The following APOBEC1 variants were observed in gnomAD, a reference collection of about 807,000 sequenced individuals.
APOBEC1 encodes C->U-editing enzyme APOBEC-1.
APOBEC1 carries 22 observed loss-of-function variants against 26.3 expected under a neutral mutation model. The observed-to-expected ratio is 0.84, with a 90% CI of 0.60 to 1.19. APOBEC1 has a LOEUF of 1.19. APOBEC1 is among the 50% of genes most tolerant of loss of function. APOBEC1 has a pLI of 0.00. For synonymous variants in APOBEC1, 77 were observed against 95.3 expected (o/e 0.81, Z 1.12); for missense variants, 253 against 289.0 (o/e 0.88, Z 0.90).
At chr12:7,662,973 A>T (rs1242918011) in intron 1 of APOBEC1, among the ~76,000 whole-genome samples, 1 of 152,152 alleles carries the variant, frequency 6.6e-6, no homozygotes, top group Non-Finnish European at 1.5e-5. Context: ...GGATGATTCA[A>T]GGGAGAGTAC....
chr12:7,669,570 A>C (rs1385605490), upstream of APOBEC1, among the ~76,000 whole-genome samples: 1 of 152,004 alleles, frequency 6.6e-6, no homozygotes, highest in Non-Finnish European at 1.5e-5. Flanking sequence ...TTTTTTAAAA[A>C]ATTGATTTTA....
At chr12:7,657,260 T>G (rs757844916) in intron 1 of APOBEC1, among the ~76,000 whole-genome samples, 6 of 152,330 alleles carry the variant, frequency 3.9e-5, no homozygotes, top group African/African-American at 1.4e-4. Flanking sequence ...AATTGTTAGC[T>G]GAATGTCTAG....
chr12:7,662,949 A>AT (rs941745496), intron 1 of APOBEC1, among the ~76,000 whole-genome samples: 2 of 152,152 alleles, frequency 1.3e-5, no homozygotes, highest in Admixed American at 6.6e-5. Context: ...GTAAGAAGCC[A>AT]TTAGAGAGTA....
intron 3 of APOBEC1, among the ~76,000 whole-genome samples, chr12:7,651,405 G>A (rs1480588894): frequency 6.6e-6 from 1 of 152,054 alleles, no homozygotes; most frequent in African/African-American, 2.4e-5. Context: ...CACAGGTCAG[G>A]AGATCGAGAC....
intron 1 of APOBEC1, among the ~76,000 whole-genome samples, chr12:7,665,477 T>C (rs1863879757): frequency 1.3e-5 from 2 of 151,908 alleles, no homozygotes; most frequent in Admixed American, 1.3e-4. Flanking sequence ...TTTGTATTTT[T>C]AGTACAGATA....
rs1313197812 is a variant in APOBEC1 at position 7,660,964 on chromosome 12, C to T, written c.16+4893G>A. 4.8e-5 allele frequency among the ~76,000 whole-genome samples: 7 copies of T among 146,214 alleles called. 1 individual carries two copies. The highest frequency in any genetic ancestry group is 3.6e-3 in the Middle Eastern group (1 of 276). On this transcript the variant is annotated intron_variant, in intron 1 of 4. Coordinates refer to ENST00000229304, the MANE Select transcript of APOBEC1 (RefSeq NM_001644.5). ...ATCCCAGCACTTTGGGAGGCGGAGG[C>T]GGGTGGATCACAAGGTCAGGAGATC...
chr12:7,659,086 G>GGTGTTCA (rs1414500415), intron 1 of APOBEC1, among the ~76,000 whole-genome samples: 1 of 150,044 alleles, frequency 6.7e-6, no homozygotes, highest in African/African-American at 2.4e-5. Context: ...CCTGAGGTCA[G>GGTGTTCA]GTGTTCGAGA....
upstream of APOBEC1, chr12:7,666,041 A>G (rs769609222): frequency 1.4e-6 from 1 of 733,324 alleles, no homozygotes; most frequent in African/African-American, 1.7e-5. Context: ...CAGGGGGCCG[A>G]CTGAGAGGGA....
In APOBEC1 at chr12:7,665,799, A is replaced by ACG; in HGVS notation, c.16+57_16+58insCG. 5.1e-6 allele frequency: 7 copies of ACG among 1,361,936 alleles called. No homozygotes were observed. In the Admixed American group the frequency reaches 5.2e-5, roughly 10 times the overall value. 84.4% of individuals were successfully genotyped at this position (1,361,936 alleles called of 1,614,324 possible). On this transcript the variant is annotated intron_variant, in intron 1 of 4. Transcript: ENST00000229304. ...CACACACACACACACACACACACAC[A>ACG]CACACACCATTCTTGCATTGTTCAA...
chr12:7,651,634 T>C (rs1863642659), intron 3 of APOBEC1, among the ~76,000 whole-genome samples: 1 of 148,248 alleles, frequency 6.7e-6, no homozygotes, highest in Admixed American at 6.8e-5. Flanking sequence ...AAAAAAGAGT[T>C]GTTGTTTGTT....
At chr12:7,651,987 A>AT (rs1281250470) in intron 3 of APOBEC1, among the ~76,000 whole-genome samples, 2 of 151,672 alleles carry the variant, frequency 1.3e-5, no homozygotes, top group African/African-American at 2.4e-5. Context: ...CGCCTGGCTA[A>AT]TTTTTTTGTA....
At chr12:7,654,766 G>GT in intron 1 of APOBEC1, 134 bp from the exon 2 acceptor site, 1 of 875,812 alleles carries the variant, frequency 1.1e-6, no homozygotes, top group Non-Finnish European at 1.8e-6. Context: ...TGGATTAATT[G>GT]TATTGGACCA....
At chr12:7,655,521 A>G (rs891911832) in intron 1 of APOBEC1, among the ~76,000 whole-genome samples, 5 of 152,104 alleles carry the variant, frequency 3.3e-5, no homozygotes, top group East Asian at 1.9e-4. Flanking sequence ...TAAAAAAAAA[A>G]AAAGAAAGAA....
At position 7,665,894 on chromosome 12, in the gene APOBEC1, C is replaced by T. The variant is rs755711908; in HGVS notation, c.-22G>A. 1.2e-6 allele frequency: 2 copies of T among 1,613,660 alleles called. No individual in the cohort carries two copies. Among genetic ancestry groups the T allele is most frequent in the Admixed American group, 1.7e-5 (1 of 59,944 alleles). ...TCATGGTGCTCTGTCTCTGGACTTC[C>T]TCCTCTGGAGTCATAAGTTGTGCTG... On this transcript the variant is annotated 5_prime_UTR_variant, in exon 1 of 5. Coordinates refer to ENST00000229304, the MANE Select transcript of APOBEC1 (RefSeq NM_001644.5).
intron 1 of APOBEC1, among the ~76,000 whole-genome samples, chr12:7,658,359 C>T (rs188918376): frequency 3.3e-5 from 5 of 152,242 alleles, no homozygotes; most frequent in Admixed American, 2.6e-4. Context: ...CCACCGTGCC[C>T]GGCCAAAATT....
chr12:7,655,114 C>T (rs1863694977), intron 1 of APOBEC1, among the ~76,000 whole-genome samples: 1 of 152,146 alleles, frequency 6.6e-6, no homozygotes. Flanking sequence ...GTGGCTGAGG[C>T]AGGAGAATCA....
chr12:7,661,012 T>C lies in APOBEC1; in HGVS notation c.16+4845A>G, dbSNP rs771635885. ...ATCGAGACCATCCTGGCTAACATGG[T>C]GAAATCCCGTCTGTACTAAAAATAC... On this transcript the variant is annotated intron_variant, in intron 1 of 4. Coordinates refer to ENST00000229304, the MANE Select transcript of APOBEC1 (RefSeq NM_001644.5). 3.0e-5 allele frequency among the ~76,000 whole-genome samples: 4 copies of C among 133,614 alleles called. No individual in the cohort carries two copies. The Admixed American group carries it at 3.3e-4, about 11-fold the overall frequency. 87.7% of individuals were successfully genotyped at this position (133,614 alleles called of 152,430 possible). A position where few individuals can be genotyped will look rare whatever the true frequency, so the allele number is the denominator to read the frequency against.
intron 2 of APOBEC1, 67 bp from the exon 3 acceptor site, chr12:7,652,902 C>T: frequency 8.4e-7 from 1 of 1,187,140 alleles, no homozygotes; most frequent in Non-Finnish European, 1.1e-6. Context: ...TCTTTTCCTG[C>T]TCCCCTCTTC....
Position 7,654,513 on chromosome 12 carries a change from G to T in APOBEC1, c.44+92C>A. The T allele has an allele frequency of 2.2e-6, 3 of 1,337,514 alleles. 1 individual carries two copies. The highest frequency in any genetic ancestry group is 2.3e-5 in the South Asian group (2 of 85,152). The allele number at this position is 1,337,514 out of a possible 1,614,324, so 82.9% of individuals were successfully genotyped here. A position where few individuals can be genotyped will look rare whatever the true frequency, so the allele number is the denominator to read the frequency against. On this transcript the variant is annotated intron_variant, in intron 2 of 4. Transcript: ENST00000229304. ...CTGCCTCAGCCTCCTGAGTAGCTGG[G>T]ATTATAGGCGCATGTGCCACCATGC...
Sources: allele counts gnomAD v4.1 joint callset (sites outside exome capture counted in the v4.1 genomes callset), GRCh38; gene constraint gnomAD v4.1.1; transcripts MANE v1.5; gene names NCBI Gene and HGNC (gene_info 2026-07-23, HGNC 2026-07-21).